MGRN1: variants seen among roughly 807,000 people sequenced by gnomAD.
The protein encoded by MGRN1 is E3 ubiquitin-protein ligase MGRN1.
Under a neutral mutation model 69.2 loss-of-function variants are expected in MGRN1, and 29 were observed. The observed-to-expected ratio is 0.42, with a 90% CI of 0.31 to 0.57. MGRN1 has a LOEUF of 0.57. MGRN1 is among the 20% of genes least tolerant of loss of function. MGRN1 has a pLI of 0.15. For missense variants in MGRN1, 998 were observed against 796.2 expected (o/e 1.25, Z -3.05); for synonymous variants, 470 against 344.2 (o/e 1.37, Z -4.04).
At chr16:4,680,161 G>A (rs2141972116) in intron 12 of MGRN1, 64 bp downstream of exon 12, 2 of 1,509,434 alleles carry the variant, frequency 1.3e-6, no homozygotes, top group East Asian at 2.3e-5. Context: ...CCCACGACAA[G>A]TAGGGGAGAT....
Position 4,644,819 on chromosome 16 carries a change from T to C in MGRN1, c.89-5546T>C, listed in dbSNP as rs546006322. 1.2e-4 allele frequency among the ~76,000 whole-genome samples: 18 copies of C among 152,298 alleles called. No individual in the cohort carries two copies. The East Asian group carries it at 3.1e-3, about 26-fold the overall frequency. ...TTCACTTACCATGGGGACACCTTTT[T>C]AAAGTGTACAAGTCAGTGATTTTTG... On this transcript the variant is annotated intron_variant, in intron 1 of 16. Coordinates refer to ENST00000262370, the MANE Select transcript of MGRN1 (RefSeq NM_015246.4).
At chr16:4,652,865 C>A (rs368530688) in intron 4 of MGRN1, 41 bp downstream of exon 4, 37 of 1,552,656 alleles carry the variant, frequency 2.4e-5, no homozygotes, top group Non-Finnish European at 3.0e-5. Context: ...GGCTGGGGGC[C>A]CCAGACTCCT....
chr16:4,640,779 C>G (rs187768380), intron 1 of MGRN1, among the ~76,000 whole-genome samples: 3 of 152,356 alleles, frequency 2.0e-5, no homozygotes, highest in South Asian at 2.1e-4. Flanking sequence ...GATGACACCA[C>G]TGACTCCTGT....
Position 4,689,015 on chromosome 16 carries a change from G to A in MGRN1, c.*107G>A. Reference sequence around the variant, plus strand: ...GCCTCCTGTCTGCATGCCCCCTGTGGCCACCAGGCTCCGAGGGGCCGTGGT... The same window carrying A: ...GCCTCCTGTCTGCATGCCCCCTGTGACCACCAGGCTCCGAGGGGCCGTGGT... On this transcript the variant is annotated 3_prime_UTR_variant, in exon 17 of 17. Transcript: ENST00000262370. 7.1e-7 allele frequency: 1 copy of A among 1,403,478 alleles called. No homozygotes were observed. Among genetic ancestry groups the A allele is most frequent in the Non-Finnish European group, 9.4e-7 (1 of 1,066,136 alleles). The allele number at this position is 1,403,478 out of a possible 1,614,324, so 86.9% of individuals were successfully genotyped here.
intron 11 of MGRN1, among the ~76,000 whole-genome samples, chr16:4,679,213 G>A (rs2079121651): frequency 6.6e-6 from 1 of 152,240 alleles, no homozygotes; most frequent in South Asian, 2.1e-4. Flanking sequence ...CACCTAGGGA[G>A]TGATCGATGC....
chr16:4,668,837 C>T (rs894532026), intron 8 of MGRN1, among the ~76,000 whole-genome samples: 9 of 152,078 alleles, frequency 5.9e-5, no homozygotes, highest in African/African-American at 1.9e-4. Context: ...CACATACCCA[C>T]ACATATACTC....
At chr16:4,679,530 G>C (rs1398819624) in intron 11 of MGRN1, among the ~76,000 whole-genome samples, 1 of 151,320 alleles carries the variant, frequency 6.6e-6, no homozygotes, top group East Asian at 2.0e-4. Flanking sequence ...TCTCCAGCGA[G>C]TGCCTAAAGA....
At chr16:4,664,827 A>T in intron 6 of MGRN1, 52 bp downstream of exon 6, 16 of 1,601,616 alleles carry the variant, frequency 1.0e-5, no homozygotes, top group Non-Finnish European at 1.4e-5. Flanking sequence ...GCAGGGAGGA[A>T]GCACGTCTTG....
intron 12 of MGRN1, chr16:4,680,401 G>A (rs549838074): frequency 4.4e-5 from 16 of 367,018 alleles, no homozygotes; most frequent in Middle Eastern, 7.9e-4. Flanking sequence ...CGTTGCAGGC[G>A]GAACTAACGT....
At chr16:4,668,636 ACACT>A (rs777363312) in intron 8 of MGRN1, among the ~76,000 whole-genome samples, 3 of 151,970 alleles carry the variant, frequency 2.0e-5, no homozygotes, top group Non-Finnish European at 4.4e-5. Context: ...TCAGATGCAC[ACACT>A]CAGACACACT....
intron 7 of MGRN1, among the ~76,000 whole-genome samples, chr16:4,666,887 T>C (rs2078817427): frequency 6.6e-6 from 1 of 152,150 alleles, no homozygotes; most frequent in African/African-American, 2.4e-5. Context: ...GAGCAGACAC[T>C]CAGAACACTG....
intron 5 of MGRN1, among the ~76,000 whole-genome samples, chr16:4,658,425 A>G (rs762342735): frequency 1.3e-4 from 20 of 151,842 alleles, no homozygotes; most frequent in Non-Finnish European, 2.7e-4. Flanking sequence ...AGTCCCACCT[A>G]CTGGGGAGGC....
intron 1 of MGRN1, among the ~76,000 whole-genome samples, chr16:4,635,312 G>T (rs1175674274): frequency 1.3e-5 from 2 of 152,078 alleles, no homozygotes; most frequent in African/African-American, 4.8e-5. Flanking sequence ...AGCTGCTCAG[G>T]TGGCTGAGGT....
chr16:4,625,259 A>G (rs905676622), intron 1 of MGRN1, among the ~76,000 whole-genome samples: 2 of 152,128 alleles, frequency 1.3e-5, no homozygotes, highest in Non-Finnish European at 2.9e-5. Context: ...TGGCGCTGCT[A>G]CTGCCCGGCT....
In MGRN1 at chr16:4,689,608, T is replaced by G. The variant is rs1284753793; in HGVS notation, c.*700T>G. On this transcript the variant is annotated 3_prime_UTR_variant, in exon 17 of 17. Coordinates refer to ENST00000262370, the MANE Select transcript of MGRN1 (RefSeq NM_015246.4). The stretch of plus-strand genomic sequence containing the variant: ...TCCAGCAGCCAGCATTCAGTGGCCT[T>G]GTCACCAAGCTCCACACCTCCTCCT... The G allele has an allele frequency of 2.0e-5, 3 of 152,150 alleles. No homozygotes were observed. The highest frequency in any genetic ancestry group is 6.6e-5 in the Admixed American group (1 of 15,254). 9.4% of individuals were successfully genotyped at this position (152,150 alleles called of 1,614,324 possible).
rs375572879 is a variant in MGRN1 at position 4,681,627 on chromosome 16, G to C, written c.1209G>C (p.Pro403=). The C allele has an allele frequency of 6.2e-7, 1 of 1,613,400 alleles. No individual in the cohort carries two copies. Among genetic ancestry groups the C allele is most frequent in the Admixed American group, 1.7e-5 (1 of 60,016 alleles). The part of the protein sequence containing the change: ...EALNGLRAVS[P]AIPSAPLYEE... ...TCAACGGCCTCCGGGCTGTCTCCCC[G>C]GCCATCCCCTCGGCCCCTCTTTATG... The change falls in exon 13 of 17, where the codon CCG becomes CCC. Residue 403 remains proline, a synonymous_variant. Coordinates refer to ENST00000262370, the MANE Select transcript of MGRN1 (RefSeq NM_015246.4).
At chr16:4,657,193 C>A in intron 4 of MGRN1, 53 bp from the exon 5 acceptor site, 2 of 1,542,736 alleles carry the variant, frequency 1.3e-6, no homozygotes, top group Non-Finnish European at 1.8e-6. Flanking sequence ...GGGACGGGCA[C>A]GGAGGGCCCT....
chr16:4,636,501 G>C (rs942443970), intron 1 of MGRN1, among the ~76,000 whole-genome samples: 2 of 152,118 alleles, frequency 1.3e-5, no homozygotes, highest in Non-Finnish European at 2.9e-5. Context: ...CCTTGAGCCT[G>C]ATCTCTTTGG....
At chr16:4,687,494 C>T (rs2079354772) in intron 16 of MGRN1, 1 of 976,838 alleles carries the variant, frequency 1.0e-6, no homozygotes, top group Non-Finnish European at 1.2e-6. Context: ...CCACTCCAGC[C>T]TGAGACGCTG....
Sources: gnomAD v4.1 joint callset for allele counts (sites outside exome capture counted in the v4.1 genomes callset) on GRCh38, gnomAD v4.1.1 for gene constraint, MANE v1.5 for transcripts, NCBI Gene and HGNC (gene_info 2026-07-23, HGNC 2026-07-21) for gene names.